The following SRGAP1 variants were observed in gnomAD, a reference collection of about 807,000 sequenced individuals.
SRGAP1 encodes SLIT-ROBO Rho GTPase-activating protein 1.
SRGAP1 carries 43 observed loss-of-function variants against 121.9 expected under a neutral mutation model. The observed-to-expected ratio is 0.35, with a 90% confidence interval of 0.28 to 0.46. The LOEUF is 0.46. Among genes scored for constraint, SRGAP1 ranks in the 20% least tolerant of loss-of-function variants. The probability of loss-of-function intolerance (pLI) is 1.00; values close to 1 mark genes in which losing one functional copy is unlikely to be tolerated. For synonymous variants in SRGAP1, 447 were observed against 485.4 expected, an observed-to-expected ratio of 0.92 and a Z score of 1.04; for missense variants, 1,102 against 1,350.9, an observed-to-expected ratio of 0.82 and a Z score of 2.89.
intron 1 of SRGAP1, among the ~76,000 whole-genome samples, chr12:63,870,315 T>G (rs1899805353): frequency 6.6e-6 from 1 of 152,124 alleles, no homozygotes; most frequent in African/African-American, 2.4e-5. Context: ...AGAACTTGCC[T>G]GTAGAGAAGA....
At chr12:64,116,833 T>A (rs536948657) in intron 18 of SRGAP1, among the ~76,000 whole-genome samples, 1 of 152,266 alleles carries the variant, frequency 6.6e-6, no homozygotes, top group East Asian at 1.9e-4. Flanking sequence ...TACTTATAGT[T>A]CCCCAGAGAA....
rs762194210 is a variant in SRGAP1, at chr12:64,091,423, C to T, written c.1539+45C>T. ...GGGTGGCTGATCTCCATGCTTCTTA[C>T]TATAATGGTCTCAGCCTCTTGTAAG... On this transcript the variant is annotated intron_variant, in intron 12 of 21. Transcript: ENST00000355086. 18 of 1,409,310 alleles carry T rather than the reference C, an allele frequency of 1.3e-5. No individual in the cohort carries two copies. In the South Asian group the frequency reaches 2.1e-4, roughly 17 times the overall value. 87.3% of individuals were successfully genotyped at this position (1,409,310 alleles called of 1,614,324 possible).
intron 1 of SRGAP1, among the ~76,000 whole-genome samples, chr12:63,934,408 C>T (rs554013950): frequency 1.3e-5 from 2 of 152,252 alleles, no homozygotes; most frequent in East Asian, 1.9e-4. Context: ...TCCACCTATC[C>T]GAAGAAACCC....
intron 1 of SRGAP1, among the ~76,000 whole-genome samples, chr12:63,977,500 A>G (rs1453191432): frequency 2.6e-5 from 4 of 152,238 alleles, no homozygotes; most frequent in African/African-American, 4.8e-5. Context: ...GTGTGGATCA[A>G]TCTTTCCGTG....
chr12:64,010,195 G>A (rs564912412), intron 3 of SRGAP1, among the ~76,000 whole-genome samples: 4 of 152,058 alleles, frequency 2.6e-5, no homozygotes, highest in African/African-American at 7.2e-5. Flanking sequence ...TTTTACTCCC[G>A]CGGTGACTCA....
chr12:63,886,959 C>A (rs1300770989), intron 1 of SRGAP1, among the ~76,000 whole-genome samples: 1 of 152,136 alleles, frequency 6.6e-6, no homozygotes, highest in African/African-American at 2.4e-5. Flanking sequence ...CTGCAACCTC[C>A]TCCTCCTGGG....
intron 1 of SRGAP1, among the ~76,000 whole-genome samples, chr12:63,921,648 TAAGGATTATCTG>T (rs2031049983): frequency 2.0e-5 from 3 of 152,180 alleles, no homozygotes; most frequent in Admixed American, 1.3e-4. Flanking sequence ...CTGCCACAAC[TAAGGATTATCTG>T]TTATATGTTC....
At chr12:63,913,454 CATATATAT>C (rs570506869) in intron 1 of SRGAP1, among the ~76,000 whole-genome samples, 27 of 124,114 alleles carry the variant, frequency 2.2e-4, no homozygotes, top group African/African-American at 7.4e-4. Context: ...ACTGTGTCCA[CATATATAT>C]ATATATATAT....
chr12:64,032,070 T>C (rs547455778), intron 4 of SRGAP1, among the ~76,000 whole-genome samples: 39 of 152,354 alleles, frequency 2.6e-4, no homozygotes, highest in South Asian at 1.7e-3. Flanking sequence ...AAGACAGGGT[T>C]CTTTGTCCCA....
At chr12:63,860,991 A>G (rs1899426754) in intron 1 of SRGAP1, among the ~76,000 whole-genome samples, 1 of 151,962 alleles carries the variant, frequency 6.6e-6, no homozygotes, top group Non-Finnish European at 1.5e-5. Flanking sequence ...GCAGACCGCC[A>G]AGCCTGGCCC....
chr12:63,906,314 G>T (rs545325575), intron 1 of SRGAP1, among the ~76,000 whole-genome samples: 39 of 151,032 alleles, frequency 2.6e-4, no homozygotes, highest in South Asian at 8.4e-4. Context: ...TTTGTTTCTG[G>T]TTTTTTTTGT....
intron 1 of SRGAP1, among the ~76,000 whole-genome samples, chr12:63,847,034 G>T (rs552050903): frequency 6.6e-6 from 1 of 152,202 alleles, no homozygotes; most frequent in Non-Finnish European, 1.5e-5. Flanking sequence ...TTATTTACAG[G>T]TATGTGTTTT....
chr12:64,116,744 C>G (rs1284570222), intron 18 of SRGAP1, among the ~76,000 whole-genome samples: 1 of 152,188 alleles, frequency 6.6e-6, no homozygotes, highest in African/African-American at 2.4e-5. Flanking sequence ...ACAGGAGTTT[C>G]TCTAGGATGT....
At chr12:63,969,381 T>C (rs752920709) in intron 1 of SRGAP1, among the ~76,000 whole-genome samples, 3 of 152,328 alleles carry the variant, frequency 2.0e-5, no homozygotes, top group East Asian at 1.9e-4. Context: ...ACCTACTCTT[T>C]CGTTCTAAAA....
intron 1 of SRGAP1, among the ~76,000 whole-genome samples, chr12:63,934,077 C>A (rs1046208171): frequency 6.6e-6 from 1 of 152,120 alleles, no homozygotes; most frequent in African/African-American, 2.4e-5. Flanking sequence ...TTAGGAATAT[C>A]GTCCTTTTGC....
At position 64,018,344 on chromosome 12, in the gene SRGAP1, G is replaced by A. The variant is rs529611114; in HGVS notation, c.489+1332G>A. 5.7e-3 allele frequency among the ~76,000 whole-genome samples: 867 copies of A among 152,238 alleles called. 3 individuals carry two copies. The highest frequency in any genetic ancestry group is 8.5e-3 in the Non-Finnish European group (575 of 68,002). On this transcript the variant is annotated intron_variant, in intron 4 of 21. Transcript: ENST00000355086. ...GGCCTCATGTGATCCGCCCATCTCA[G>A]CCTCTCAAAGTGTTGGCATTACAGG... is the stretch of plus-strand genomic sequence containing the variant.
intron 1 of SRGAP1, among the ~76,000 whole-genome samples, chr12:63,979,932 C>T (rs1484082451): frequency 6.6e-6 from 1 of 152,238 alleles, no homozygotes; most frequent in Non-Finnish European, 1.5e-5. Context: ...GCTTTCACCA[C>T]TTCCAGCTTT....
intron 21 of SRGAP1, among the ~76,000 whole-genome samples, chr12:64,128,605 A>G (rs1054878961): frequency 1.3e-5 from 2 of 152,166 alleles, no homozygotes; most frequent in African/African-American, 4.8e-5. Flanking sequence ...AAAAACCTTA[A>G]AACAGTAGTC....
intron 8 of SRGAP1, among the ~76,000 whole-genome samples, chr12:64,077,217 G>A (rs1206280609): frequency 6.6e-6 from 1 of 151,988 alleles, no homozygotes; most frequent in Non-Finnish European, 1.5e-5. Context: ...GAACATAGAA[G>A]CCACAACAAA....
Sources: allele counts gnomAD v4.1 joint callset (sites outside exome capture counted in the v4.1 genomes callset), GRCh38; gene constraint gnomAD v4.1.1; transcripts MANE v1.5; gene names NCBI Gene and HGNC (gene_info 2026-07-23, HGNC 2026-07-21).